AFG2A: variants seen among roughly 807,000 people sequenced by gnomAD.
The protein encoded by AFG2A is ATPase family gene 2 protein homolog A.
At chr4:122,983,933 G>GA in the AFG2A span, among the ~76,000 whole-genome samples, 1 of 152,118 alleles carries the variant, frequency 6.6e-6, no homozygotes, top group African/African-American at 2.4e-5. Context: ...GAAAAGTGGG[G>GA]AGAGTACTAC....
chr4:122,936,048 A>T, the AFG2A span: 1 of 1,473,622 alleles, frequency 6.8e-7, no homozygotes, highest in Non-Finnish European at 9.2e-7. Flanking sequence ...TTTATAGACA[A>T]AGCTTTAAAA....
chr4:123,237,769 T>A, the AFG2A span, among the ~76,000 whole-genome samples: 124,795 of 151,320 alleles, frequency 0.82, 51,876 homozygotes, highest in Non-Finnish European at 0.86. Flanking sequence ...GACACAGAAG[T>A]TGGGTGATTT....
chr4:123,195,395 T>C, the AFG2A span, among the ~76,000 whole-genome samples: 3 of 152,270 alleles, frequency 2.0e-5, no homozygotes, highest in Non-Finnish European at 4.4e-5. Context: ...TGGGTTTTTT[T>C]CTAACATTAA....
At chr4:123,238,642 C>T in the AFG2A span, among the ~76,000 whole-genome samples, 3 of 152,158 alleles carry the variant, frequency 2.0e-5, no homozygotes, top group African/African-American at 7.2e-5. Flanking sequence ...GCATCAACAT[C>T]AACAGAAAGG....
the AFG2A span, among the ~76,000 whole-genome samples, chr4:123,149,114 GT>G: frequency 1.3e-5 from 2 of 152,126 alleles, no homozygotes; most frequent in Non-Finnish European, 2.9e-5. Flanking sequence ...GTTTGCCCAA[GT>G]TATGACAGAG....
chr4:123,123,860 G>A, the AFG2A span, among the ~76,000 whole-genome samples: 1 of 148,788 alleles, frequency 6.7e-6, no homozygotes, highest in African/African-American at 2.5e-5. Context: ...GCTGAGGCAG[G>A]AGAATGGCGT....
the AFG2A span, among the ~76,000 whole-genome samples, chr4:123,164,755 T>G: frequency 6.6e-6 from 1 of 152,184 alleles, no homozygotes; most frequent in Non-Finnish European, 1.5e-5. Context: ...TTAATTTACT[T>G]TAATAATTGA....
the AFG2A span, among the ~76,000 whole-genome samples, chr4:123,002,689 G>A: frequency 6.6e-6 from 1 of 152,092 alleles, no homozygotes; most frequent in African/African-American, 2.4e-5. Flanking sequence ...TAGTCTGATG[G>A]GCTTCCCTTT....
the AFG2A span, among the ~76,000 whole-genome samples, chr4:123,165,385 G>A: frequency 6.6e-6 from 1 of 152,006 alleles, no homozygotes; most frequent in Non-Finnish European, 1.5e-5. Flanking sequence ...TGTAAATTAT[G>A]TCTTAATAAA....
the AFG2A span, among the ~76,000 whole-genome samples, chr4:123,229,777 A>G: frequency 1.3e-5 from 2 of 151,932 alleles, no homozygotes; most frequent in African/African-American, 2.4e-5. Context: ...TGTGTCAGTT[A>G]GAGAGATATC....
At chr4:123,027,661 A>G in the AFG2A span, among the ~76,000 whole-genome samples, 1 of 152,168 alleles carries the variant, frequency 6.6e-6, no homozygotes, top group Non-Finnish European at 1.5e-5. Context: ...GTATATTCTT[A>G]AGACATATAA....
the AFG2A span, among the ~76,000 whole-genome samples, chr4:122,928,151 G>C: frequency 6.6e-6 from 1 of 152,146 alleles, no homozygotes; most frequent in Non-Finnish European, 1.5e-5. Flanking sequence ...GAGAAGTGTT[G>C]CCTCCGGCGA....
the AFG2A span, among the ~76,000 whole-genome samples, chr4:123,176,814 T>C: frequency 6.6e-6 from 1 of 152,048 alleles, no homozygotes; most frequent in Non-Finnish European, 1.5e-5. Context: ...CCCAGCATCT[T>C]ATCTATATTT....
chr4:123,100,458 T>G, the AFG2A span, among the ~76,000 whole-genome samples: 1 of 151,946 alleles, frequency 6.6e-6, no homozygotes, highest in African/African-American at 2.4e-5. Context: ...TTTGGATTAT[T>G]TCATATGCCA....
At chr4:122,939,116 G>A in the AFG2A span, among the ~76,000 whole-genome samples, 4 of 98,770 alleles carry the variant, frequency 4.0e-5, no homozygotes, top group African/African-American at 1.5e-4. Context: ...ACAGAGTTTC[G>A]CTCTTGTTGC....
chr4:123,076,183 A>C, the AFG2A span, among the ~76,000 whole-genome samples: 1 of 152,060 alleles, frequency 6.6e-6, no homozygotes, highest in African/African-American at 2.4e-5. Context: ...AGGCAAGATC[A>C]CTTGAGCCCA....
At chr4:123,134,094 T>C in the AFG2A span, among the ~76,000 whole-genome samples, 13 of 152,300 alleles carry the variant, frequency 8.5e-5, no homozygotes, top group South Asian at 2.7e-3. Context: ...TATTGTTTCT[T>C]TGGTGTGCAG....
At chr4:123,093,679 G>C in the AFG2A span, among the ~76,000 whole-genome samples, 8 of 152,296 alleles carry the variant, frequency 5.3e-5, no homozygotes, top group East Asian at 1.5e-3. Flanking sequence ...TCTATCTTCT[G>C]TAAGTGCTTT....
chr4:123,127,148 G>A, the AFG2A span, among the ~76,000 whole-genome samples: 12 of 152,186 alleles, frequency 7.9e-5, no homozygotes, highest in Non-Finnish European at 1.6e-4. Flanking sequence ...GGCCTATGGT[G>A]ATCCGTGATC....
Sources: allele counts gnomAD v4.1 joint callset (sites outside exome capture counted in the v4.1 genomes callset), GRCh38; gene constraint gnomAD v4.1.1; transcripts MANE v1.5; gene names NCBI Gene and HGNC (gene_info 2026-07-23, HGNC 2026-07-21).